Variants in CNKSR2 observed in about 807,000 individuals in gnomAD.
CNKSR2 encodes CNK homolog protein 2.
Under a neutral mutation model 84.4 loss-of-function variants are expected in CNKSR2, and 14 were observed. The observed-to-expected ratio is 0.17, with a 90% CI of 0.11 to 0.26. The LOEUF (loss-of-function observed/expected upper bound fraction) is 0.26. CNKSR2 is among the 10% of genes least tolerant of loss of function. The probability of loss-of-function intolerance (pLI) is 1.00; values close to 1 mark genes in which losing one functional copy is unlikely to be tolerated. For missense variants in CNKSR2, 485 were observed against 771.2 expected, an observed-to-expected ratio of 0.63 and a Z score of 4.40; for synonymous variants, 275 against 277.9, an observed-to-expected ratio of 0.99 and a Z score of 0.10.
At chrX:21,574,126 A>G (rs977010972) in intron 13 of CNKSR2, among the ~76,000 whole-genome samples, 1 of 111,550 alleles carries the variant, frequency 9.0e-6, no homozygotes, top group African/African-American at 3.3e-5. Flanking sequence ...CAAGTTTCTC[A>G]TCTTCATCGG....
chrX:21,626,958 G>C (rs148815342), intron 20 of CNKSR2, among the ~76,000 whole-genome samples: 643 of 111,553 alleles, frequency 5.8e-3, no homozygotes, highest in Admixed American at 0.01. Context: ...TCATGAAAGA[G>C]ATGGAAAGAG....
At chrX:21,510,588 A>G (rs928807230) in intron 8 of CNKSR2, among the ~76,000 whole-genome samples, 2 of 111,012 alleles carry the variant, frequency 1.8e-5, no homozygotes, top group Non-Finnish European at 3.8e-5. Flanking sequence ...CCAACCCCAA[A>G]GCCTCTTGTG....
intron 2 of CNKSR2, chrX:21,427,751 T>C (rs1036124690): frequency 8.9e-6 from 1 of 112,604 alleles, no homozygotes; most frequent in African/African-American, 3.2e-5. Flanking sequence ...AGACAGTCTG[T>C]ACTCCTGAAA....
At chrX:21,420,022 G>T (rs779219367) in intron 1 of CNKSR2, among the ~76,000 whole-genome samples, 102 of 112,506 alleles carry the variant, frequency 9.1e-4, no homozygotes, top group African/African-American at 3.3e-3. Context: ...CAGAGGTGCT[G>T]TCTGGGAGCC....
At chrX:21,449,201 C>T (rs779879350) in intron 4 of CNKSR2, among the ~76,000 whole-genome samples, 4 of 106,087 alleles carry the variant, frequency 3.8e-5, no homozygotes, top group Non-Finnish European at 7.7e-5. Context: ...CTACTCAGTA[C>T]ACTGAGGCAG....
chrX:21,375,874 C>A (rs185491793), intron 1 of CNKSR2, among the ~76,000 whole-genome samples: 1 of 111,526 alleles, frequency 9.0e-6, no homozygotes, highest in East Asian at 2.8e-4. Flanking sequence ...TCACTACCTC[C>A]CTCTGTTGTC....
intron 6 of CNKSR2, chrX:21,495,084 A>T (rs2091479566): frequency 8.9e-6 from 1 of 112,271 alleles, no homozygotes; most frequent in Non-Finnish European, 1.9e-5. Flanking sequence ...TGAATGTTTG[A>T]CTTTAATATC....
intron 6 of CNKSR2, 105 bp downstream of exon 6, chrX:21,490,683 T>C (rs2091433554): frequency 2.3e-6 from 2 of 860,984 alleles, no homozygotes; most frequent in Non-Finnish European, 1.5e-6. Flanking sequence ...CAACAGACAC[T>C]GAACATTTTG....
intron 8 of CNKSR2, among the ~76,000 whole-genome samples, 164 bp from the exon 9 acceptor site, chrX:21,516,321 T>C (rs2091727883): frequency 9.0e-6 from 1 of 111,490 alleles, no homozygotes; most frequent in Admixed American, 9.6e-5. Flanking sequence ...ATATGGTTAA[T>C]CAATTCAAAG....
chrX:21,602,120 G>GT (rs199901615), intron 18 of CNKSR2, among the ~76,000 whole-genome samples: 135 of 109,626 alleles, frequency 1.2e-3, no homozygotes, highest in Admixed American at 2.4e-3. Flanking sequence ...GCCAGGTTTT[G>GT]TTTTTTTTGT....
chrX:21,531,998 T>C lies in CNKSR2; in HGVS notation c.1234T>C (p.Leu412=). 1.7e-6 allele frequency: 2 copies of C among 1,203,638 alleles called. No individual in the cohort carries two copies. Among genetic ancestry groups the C allele is most frequent in the Non-Finnish European group, 2.3e-6 (2 of 888,868 alleles). ...TAATATTGTCGAAGAAGATACTGTC[T>C]TATATTGCTATGAATATGAAAAAGG... is the stretch of plus-strand genomic sequence containing the variant. ...RFNIVEEDTV[L]YCYEYEKGRS... is the part of the protein sequence containing the mutation. The change falls in exon 11 of 22, where the codon TTA becomes CTA. Residue 412 remains leucine (L), a synonymous_variant. Transcript: ENST00000379510.
intron 5 of CNKSR2, among the ~76,000 whole-genome samples, chrX:21,489,296 A>C (rs2091418893): frequency 9.0e-6 from 1 of 111,513 alleles, no homozygotes; most frequent in Non-Finnish European, 1.9e-5. Flanking sequence ...TAAACTTCCT[A>C]AATTGACTGA....
At chrX:21,554,940 A>G (rs1391637978) in intron 11 of CNKSR2, among the ~76,000 whole-genome samples, 1 of 108,399 alleles carries the variant, frequency 9.2e-6, no homozygotes, top group African/African-American at 3.4e-5. Context: ...ACCAATTTAT[A>G]CTCCACCAAC....
chrX:21,520,295 T>C (rs2091769421), intron 9 of CNKSR2, among the ~76,000 whole-genome samples: 1 of 110,975 alleles, frequency 9.0e-6, no homozygotes, highest in African/African-American at 3.3e-5. Flanking sequence ...TCTGTTGTCA[T>C]TTTCACCCAT....
At chrX:21,474,395 A>G (rs1315494256) in intron 5 of CNKSR2, among the ~76,000 whole-genome samples, 5 of 111,756 alleles carry the variant, frequency 4.5e-5, no homozygotes, top group Non-Finnish European at 7.5e-5. Flanking sequence ...GTTCACCACT[A>G]TAGGGAACTG....
Position 21,652,728 on chromosome X carries a change from C to G in CNKSR2, c.*207C>G. ...GCAACAGTGCTCAGCTTATGTTTAC[C>G]ATGTGCAAAATCAACTGTCTTTAAT... On this transcript the variant is annotated 3_prime_UTR_variant, in exon 22 of 22. Transcript: ENST00000379510. 5.7e-6 allele frequency: 2 copies of G among 353,857 alleles called. No individual in the cohort carries two copies. The highest frequency in any genetic ancestry group is 9.7e-6 in the Non-Finnish European group (2 of 206,795). The allele number at this position is 353,857 out of a possible 1,213,427, so 29.2% of individuals were successfully genotyped here.
At chrX:21,386,780 A>G (rs961114670) in intron 1 of CNKSR2, among the ~76,000 whole-genome samples, 1 of 111,787 alleles carries the variant, frequency 8.9e-6, no homozygotes, top group Non-Finnish European at 1.9e-5. Flanking sequence ...ACTTTTTATA[A>G]AAGCTATTAC....
At chrX:21,486,190 G>A (rs2091383276) in intron 5 of CNKSR2, among the ~76,000 whole-genome samples, 1 of 111,958 alleles carries the variant, frequency 8.9e-6, no homozygotes, top group African/African-American at 3.2e-5. Flanking sequence ...AATAATAACA[G>A]TGGTTACTAG....
chrX:21,393,991 A>G (rs779450510), intron 1 of CNKSR2, among the ~76,000 whole-genome samples: 1 of 112,390 alleles, frequency 8.9e-6, no homozygotes, highest in South Asian at 3.7e-4. Context: ...AGACAATACA[A>G]ATTATCTGTA....
Sources: gnomAD v4.1 joint callset for allele counts (sites outside exome capture counted in the v4.1 genomes callset) on GRCh38, gnomAD v4.1.1 for gene constraint, MANE v1.5 for transcripts, NCBI Gene and HGNC (gene_info 2026-07-23, HGNC 2026-07-21) for gene names.